The following VAMP7 variants were observed in gnomAD, a reference collection of about 807,000 sequenced individuals.
The protein encoded by VAMP7 is vesicle associated membrane protein 7.
In VAMP7, 14 loss-of-function variants were observed where a neutral mutation model predicts 29.6. The observed-to-expected ratio is 0.47, with a 90% CI of 0.31 to 0.74. The LOEUF (loss-of-function observed/expected upper bound fraction) is 0.74, where lower values mean the gene tolerates loss of function less well. VAMP7 is among the 30% of genes least tolerant of loss of function. VAMP7 has a pLI of 0.05. For missense variants in VAMP7, 223 were observed against 262.4 expected, an observed-to-expected ratio of 0.85 and a Z score of 1.04; for synonymous variants, 95 against 88.1, an observed-to-expected ratio of 1.08 and a Z score of -0.44.
At chrX:155,912,347 A>G (rs147563276) in intron 5 of VAMP7, among the ~76,000 whole-genome samples, 6 of 152,204 alleles carry the variant, frequency 3.9e-5, no homozygotes, top group African/African-American at 1.4e-4. Flanking sequence ...TGCAATTTCT[A>G]TGTTACACAT....
chrX:155,898,336 A>C (rs1170496850), intron 4 of VAMP7, 87 bp downstream of exon 4: 1 of 1,488,872 alleles, frequency 6.7e-7, no homozygotes, highest in African/African-American at 1.4e-5. Flanking sequence ...CCTGACCTGC[A>C]ATATAGTTTT....
chrX:155,902,989 C>T (rs957266891), intron 5 of VAMP7, among the ~76,000 whole-genome samples: 1 of 151,640 alleles, frequency 6.6e-6, no homozygotes, highest in African/African-American at 2.4e-5. Flanking sequence ...GCTGTGAATC[C>T]ATCTGGTCCT....
At chrX:155,936,175 G>A (rs1403119328) in intron 6 of VAMP7, among the ~76,000 whole-genome samples, 1 of 152,132 alleles carries the variant, frequency 6.6e-6, no homozygotes, top group East Asian at 1.9e-4. Context: ...CAGTCTGTCT[G>A]TTCTCAGATC....
chrX:155,939,820 G>A, intron 7 of VAMP7, 27 bp downstream of exon 7: 3 of 1,545,706 alleles, frequency 1.9e-6, no homozygotes, highest in Non-Finnish European at 2.7e-6. Flanking sequence ...TTAGTGTATG[G>A]CTTTATTTTT....
chrX:155,923,908 C>T (rs189430893), intron 6 of VAMP7, among the ~76,000 whole-genome samples: 73 of 152,140 alleles, frequency 4.8e-4, no homozygotes, highest in Admixed American at 1.8e-3. Context: ...TGTTTCTGTC[C>T]TGTGTATGTT....
chrX:155,883,750 G>C (rs962690728), intron 1 of VAMP7, among the ~76,000 whole-genome samples: 1 of 132,690 alleles, frequency 7.5e-6, no homozygotes, highest in African/African-American at 2.9e-5. Context: ...TCACTCCGTT[G>C]CCTGGGCTGG....
At chrX:155,893,004 C>T (rs1454476385) in intron 2 of VAMP7, among the ~76,000 whole-genome samples, 8 of 151,882 alleles carry the variant, frequency 5.3e-5, no homozygotes, top group East Asian at 1.9e-4. Context: ...CCGCCCGCCT[C>T]GGCCTCCCAA....
intron 1 of VAMP7, among the ~76,000 whole-genome samples, chrX:155,887,275 G>A (rs1160425531): frequency 2.0e-5 from 3 of 151,752 alleles, no homozygotes; most frequent in Non-Finnish European, 4.4e-5. Context: ...AATAAATCAT[G>A]TTTAAAATGG....
chrX:155,889,149 T>G (rs2065898141), intron 1 of VAMP7, among the ~76,000 whole-genome samples: 1 of 152,148 alleles, frequency 6.6e-6, no homozygotes, highest in African/African-American at 2.4e-5. Context: ...TAGTCATTGC[T>G]TTTCAAAAGG....
At chrX:155,896,796 G>A (rs1017165415) in intron 3 of VAMP7, among the ~76,000 whole-genome samples, 31 of 152,240 alleles carry the variant, frequency 2.0e-4, no homozygotes, top group Non-Finnish European at 4.1e-4. Flanking sequence ...TGGCATGGTT[G>A]CCATAGATCA....
At chrX:155,925,784 CTT>C (rs1426596244) in intron 6 of VAMP7, among the ~76,000 whole-genome samples, 4 of 152,140 alleles carry the variant, frequency 2.6e-5, no homozygotes, top group African/African-American at 7.2e-5. Flanking sequence ...AGAGGGGTGA[CTT>C]TGAATAGAAT....
intron 3 of VAMP7, among the ~76,000 whole-genome samples, chrX:155,896,561 T>TTC (rs1333325026): frequency 6.6e-6 from 1 of 152,178 alleles, no homozygotes; most frequent in African/African-American, 2.4e-5. Flanking sequence ...CCGTGTCTCC[T>TTC]TCTTCCCAGA....
chrX:155,941,955 A>C lies in VAMP7; in HGVS notation c.*4A>C. 6.2e-7 allele frequency: 1 copy of C among 1,613,630 alleles called. No individual in the cohort carries two copies. The highest frequency in any genetic ancestry group is 8.5e-7 in the Non-Finnish European group (1 of 1,179,692). On this transcript the variant is annotated 3_prime_UTR_variant, in exon 8 of 8. Transcript: ENST00000286448. ...GCCAAGCTGTGTGAAGAAATAGGAA[A>C]GAAGAAGTTACCATTAACCAAGGAT...
intron 5 of VAMP7, among the ~76,000 whole-genome samples, chrX:155,901,882 A>C (rs975535801): frequency 5.9e-5 from 9 of 152,110 alleles, no homozygotes; most frequent in Non-Finnish European, 1.3e-4. Flanking sequence ...TATGAACTTT[A>C]AAGTAGTTTC....
At chrX:155,894,772 C>T (rs2065966330) in intron 2 of VAMP7, among the ~76,000 whole-genome samples, 1 of 151,878 alleles carries the variant, frequency 6.6e-6, no homozygotes, top group South Asian at 2.1e-4. Flanking sequence ...TGTGCCACCA[C>T]ACCTGGCTAA....
At chrX:155,919,405 T>G (rs1267336086) in intron 5 of VAMP7, among the ~76,000 whole-genome samples, 2 of 152,208 alleles carry the variant, frequency 1.3e-5, no homozygotes, top group South Asian at 2.1e-4. Flanking sequence ...ATAGTATTTC[T>G]ATGGTCACTT....
At chrX:155,910,881 A>G (rs2066228232) in intron 5 of VAMP7, among the ~76,000 whole-genome samples, 1 of 152,036 alleles carries the variant, frequency 6.6e-6, no homozygotes, top group Admixed American at 6.6e-5. Flanking sequence ...TCTCCCATTC[A>G]ACTGGTTGTC....
intron 6 of VAMP7, among the ~76,000 whole-genome samples, chrX:155,926,587 A>T (rs2066470552): frequency 6.6e-6 from 1 of 152,200 alleles, no homozygotes; most frequent in Non-Finnish European, 1.5e-5. Context: ...CCCCTAAAAC[A>T]TTCTCCATAT....
chrX:155,920,730 C>T lies in VAMP7; in HGVS notation c.501+850C>T, dbSNP rs373442757. Among the ~76,000 whole-genome samples, 505 of 152,226 alleles carry T rather than the reference C, an allele frequency of 3.3e-3. 1 individual carries two copies. The highest frequency in any genetic ancestry group is 0.012 in the African/African-American group (479 of 41,540). On this transcript the variant is annotated intron_variant, in intron 6 of 7. Coordinates refer to ENST00000286448, the MANE Select transcript of VAMP7 (RefSeq NM_005638.6). ...CATCTTCTGTAAAATGAAGATGTAC[C>T]CACTTCAGAGCATTTTAAGGATTAA...
Sources: allele counts gnomAD v4.1 joint callset (sites outside exome capture counted in the v4.1 genomes callset), GRCh38; gene constraint gnomAD v4.1.1; transcripts MANE v1.5; gene names NCBI Gene and HGNC (gene_info 2026-07-23, HGNC 2026-07-21).